GRIK4: variants seen among roughly 807,000 people sequenced by gnomAD.
GRIK4 encodes glutamate receptor ionotropic, kainate 4.
Under a neutral mutation model 104.9 loss-of-function variants are expected in GRIK4, and 40 were observed. That is an observed-to-expected ratio of 0.38 (90% CI 0.30 to 0.50). GRIK4 has a LOEUF of 0.50. Among genes scored for constraint, GRIK4 ranks in the 20% least tolerant of loss-of-function variants. GRIK4 has a pLI of 0.93. For synonymous variants in GRIK4, 485 were observed against 524.9 expected (o/e 0.92, Z 1.04); for missense variants, 1,047 against 1,308.1 (o/e 0.80, Z 3.08).
rs141351262 is a variant in GRIK4, at chr11:120,763,214, T to C, written c.83-39479T>C. 3.1e-3 allele frequency among the ~76,000 whole-genome samples: 479 copies of C among 152,306 alleles called. 3 individuals are homozygous for C. Among genetic ancestry groups the C allele is most frequent in the African/African-American group, 0.011 (455 of 41,584 alleles). ...AGGAATTTATCCATTTTTTTCTAGATTTTCTAGTTTATTTGCATAGAGGTG... is the reference window on the plus strand; with the variant it reads ...AGGAATTTATCCATTTTTTTCTAGACTTTCTAGTTTATTTGCATAGAGGTG... On this transcript the variant is annotated intron_variant, in intron 3 of 20. Coordinates refer to ENST00000527524, the MANE Select transcript of GRIK4 (RefSeq NM_014619.5).
chr11:120,840,019 G>A (rs1953673856), intron 8 of GRIK4, among the ~76,000 whole-genome samples: 1 of 152,192 alleles, frequency 6.6e-6, no homozygotes, highest in African/African-American at 2.4e-5. Flanking sequence ...TGCAATAAGA[G>A]GAACTGAGCC....
At chr11:120,928,988 T>TGCGC (rs1555096436) in intron 13 of GRIK4, among the ~76,000 whole-genome samples, 37 of 118,598 alleles carry the variant, frequency 3.1e-4, no homozygotes, top group African/African-American at 9.7e-4. Flanking sequence ...TGTGTGTGTG[T>TGCGC]GCGCGCGTGC....
At chr11:120,911,686 A>G (rs1195489076) in intron 13 of GRIK4, among the ~76,000 whole-genome samples, 2 of 150,880 alleles carry the variant, frequency 1.3e-5, no homozygotes, top group African/African-American at 2.4e-5. Flanking sequence ...TACTAAAAAT[A>G]CAAAAATTAG....
chr11:120,832,764 A>AAG (rs755108418), intron 7 of GRIK4, among the ~76,000 whole-genome samples: 42 of 152,280 alleles, frequency 2.8e-4, no homozygotes, highest in South Asian at 8.3e-4. Context: ...AGGCTGATCC[A>AAG]AGAGAGAGAG....
rs892713058 is a variant in GRIK4 at position 120,586,794 on chromosome 11, G to A, written c.-158-66891G>A. Among the ~76,000 whole-genome samples the A allele has an allele frequency of 5.9e-5, 9 of 152,140 alleles. No homozygotes were observed. The South Asian group carries it at 8.3e-4, about 14-fold the overall frequency. ...TGATTTGATCAAGCCCCAGGGTGCC[G>A]AGAAACCTCTCCCTGCTTTAGCCTC... On this transcript the variant is annotated intron_variant, in intron 1 of 20. Coordinates refer to ENST00000527524, the MANE Select transcript of GRIK4 (RefSeq NM_014619.5).
intron 3 of GRIK4, among the ~76,000 whole-genome samples, chr11:120,760,158 C>G (rs2135438566): frequency 6.6e-6 from 1 of 151,878 alleles, no homozygotes; most frequent in Admixed American, 6.6e-5. Flanking sequence ...CCCTTATCCC[C>G]ACCTGTGATA....
rs138097973 is a variant in GRIK4 at position 120,979,485 on chromosome 11, A to G, written c.2396-2621A>G. ...CTTTTATGTGAGATGGCTCCTCCAA[A>G]TGTAAGTGTTTTTAAGGGCTTTTAG... On this transcript the variant is annotated intron_variant, in intron 19 of 20. Transcript: ENST00000527524. 1.2e-3 allele frequency among the ~76,000 whole-genome samples: 187 copies of G among 152,262 alleles called. 1 individual carries two copies. The highest frequency in any genetic ancestry group is 4.3e-3 in the African/African-American group (178 of 41,558).
intron 1 of GRIK4, among the ~76,000 whole-genome samples, chr11:120,526,838 A>T (rs1243445860): frequency 6.6e-6 from 1 of 152,214 alleles, no homozygotes; most frequent in Admixed American, 6.5e-5. Context: ...AGCAAGAGTG[A>T]AACACCATCT....
intron 9 of GRIK4, among the ~76,000 whole-genome samples, chr11:120,865,288 G>C (rs1336865599): frequency 6.6e-6 from 1 of 152,232 alleles, no homozygotes; most frequent in Non-Finnish European, 1.5e-5. Context: ...ATATCAGGTA[G>C]CTTTTGCTAT....
chr11:120,862,149 G>A (rs758833030), intron 9 of GRIK4, 29 bp downstream of exon 9: 2 of 1,600,436 alleles, frequency 1.2e-6, no homozygotes, highest in Non-Finnish European at 1.7e-6. Context: ...TCTTCCTGGT[G>A]CCCCTTGGCC....
intron 1 of GRIK4, among the ~76,000 whole-genome samples, chr11:120,533,501 C>T (rs1024981533): frequency 1.3e-5 from 2 of 152,216 alleles, no homozygotes; most frequent in Non-Finnish European, 1.5e-5. Context: ...CTGCTGCTGT[C>T]TGGCCCAAGG....
chr11:120,650,446 C>G (rs1156589960), intron 1 of GRIK4, among the ~76,000 whole-genome samples: 1 of 152,166 alleles, frequency 6.6e-6, no homozygotes, highest in Non-Finnish European at 1.5e-5. Flanking sequence ...AGGCCTCTGC[C>G]CTCCTCATGT....
At chr11:120,594,958 G>A (rs759791114) in intron 1 of GRIK4, among the ~76,000 whole-genome samples, 3 of 152,204 alleles carry the variant, frequency 2.0e-5, no homozygotes, top group Non-Finnish European at 4.4e-5. Flanking sequence ...CCCCCAGCGA[G>A]GGAGACACTG....
chr11:120,763,506 GC>G lies in GRIK4; in HGVS notation c.83-39186del, dbSNP rs199657848. ...CTAGCTTTTGAATTTGTTTGCTCTT[GC>G]TTCTCTAGTTCTTTTAATTGTGATG... On this transcript the variant is annotated intron_variant, in intron 3 of 20. Coordinates refer to ENST00000527524, the MANE Select transcript of GRIK4 (RefSeq NM_014619.5). Among the ~76,000 whole-genome samples the G allele has an allele frequency of 5.6e-3, 849 of 152,082 alleles. 12 individuals are homozygous for G. Among genetic ancestry groups the G allele is most frequent in the African/African-American group, 0.017 (707 of 41,512 alleles).
chr11:120,670,801 A>T lies in GRIK4; in HGVS notation c.82+10401A>T, dbSNP rs559656738. ...TACATGTGCCATGGTGGTTTGCTGC[A>T]CCCATCAATCCGCCATCTACACTAG... On this transcript the variant is annotated intron_variant, in intron 3 of 20. Coordinates refer to ENST00000527524, the MANE Select transcript of GRIK4 (RefSeq NM_014619.5). 2.0e-5 allele frequency among the ~76,000 whole-genome samples: 3 copies of T among 151,834 alleles called. No homozygotes were observed. In the East Asian group the frequency reaches 5.8e-4, roughly 29 times the overall value.
chr11:120,876,623 C>A (rs1954828108), intron 11 of GRIK4, among the ~76,000 whole-genome samples: 1 of 151,444 alleles, frequency 6.6e-6, no homozygotes, highest in African/African-American at 2.4e-5. Flanking sequence ...TTTATTAGTC[C>A]CAATTTTATA....
chr11:120,739,084 C>T (rs1196889798), intron 3 of GRIK4, among the ~76,000 whole-genome samples: 1 of 152,162 alleles, frequency 6.6e-6, no homozygotes, highest in Non-Finnish European at 1.5e-5. Flanking sequence ...GCCCTTGGTC[C>T]ACACCAGCCT....
chr11:120,949,896 T>C (rs1424121654), intron 14 of GRIK4, among the ~76,000 whole-genome samples: 1 of 152,186 alleles, frequency 6.6e-6, no homozygotes, highest in Non-Finnish European at 1.5e-5. Context: ...CAAGAGAACA[T>C]AGTGAAGCAT....
intron 5 of GRIK4, among the ~76,000 whole-genome samples, chr11:120,818,659 A>G (rs1198568195): frequency 2.0e-5 from 3 of 152,242 alleles, no homozygotes; most frequent in South Asian, 2.1e-4. Flanking sequence ...TTAAAAGGAT[A>G]AAGTAGGAGA....
Sources: gnomAD v4.1 joint callset for allele counts (sites outside exome capture counted in the v4.1 genomes callset) on GRCh38, gnomAD v4.1.1 for gene constraint, MANE v1.5 for transcripts, NCBI Gene and HGNC (gene_info 2026-07-23, HGNC 2026-07-21) for gene names.